The following MARCHF4 variants were observed in gnomAD, a reference collection of about 807,000 sequenced individuals.
MARCHF4 encodes membrane associated ring-CH-type finger 4, also known as E3 ubiquitin-protein ligase MARCHF4.
A neutral mutation model predicts 43.9 loss-of-function variants in MARCHF4; 14 were observed. The observed-to-expected ratio is 0.32, with a 90% CI of 0.21 to 0.50. MARCHF4 has a LOEUF of 0.50. MARCHF4 is among the 20% of genes least tolerant of loss of function. MARCHF4 has a pLI of 0.98. For synonymous variants in MARCHF4, 226 were observed against 213.3 expected, an observed-to-expected ratio of 1.06 and a Z score of -0.52; for missense variants, 468 against 536.7, an observed-to-expected ratio of 0.87 and a Z score of 1.27.
intron 1 of MARCHF4, among the ~76,000 whole-genome samples, chr2:216,336,363 C>G (rs998707418): frequency 2.6e-5 from 4 of 152,136 alleles, no homozygotes; most frequent in Non-Finnish European, 5.9e-5. Flanking sequence ...ATCATTTCAA[C>G]AAACTGAGTA....
intron 1 of MARCHF4, among the ~76,000 whole-genome samples, chr2:216,300,623 G>T (rs1278276838): frequency 6.6e-6 from 1 of 151,996 alleles, no homozygotes; most frequent in African/African-American, 2.4e-5. Context: ...TGGGATTACA[G>T]GCATGAGCCA....
chr2:216,317,913 T>C (rs1338841883), intron 1 of MARCHF4, among the ~76,000 whole-genome samples: 1 of 152,244 alleles, frequency 6.6e-6, no homozygotes, highest in Non-Finnish European at 1.5e-5. Flanking sequence ...TCAGCCATTG[T>C]GCCAGCTGTC....
In MARCHF4 at chr2:216,339,053, G is replaced by A. The variant is rs550912400; in HGVS notation, c.516+30692C>T. ...TGTCCCAGGTTGGACAGAAAGGAGC[G>A]GGGAGATGGGAGAGATTCCTAAGAG... On this transcript the variant is annotated intron_variant, in intron 1 of 3. Coordinates refer to ENST00000273067, the MANE Select transcript of MARCHF4 (RefSeq NM_020814.3). 1.4e-4 allele frequency among the ~76,000 whole-genome samples: 21 copies of A among 152,266 alleles called. No individual in the cohort carries two copies. In the South Asian group the frequency reaches 2.3e-3, roughly 17 times the overall value.
chr2:216,324,850 C>A (rs947520420), intron 1 of MARCHF4, among the ~76,000 whole-genome samples: 1 of 139,072 alleles, frequency 7.2e-6, no homozygotes, highest in Non-Finnish European at 1.5e-5. Flanking sequence ...AAACCCACAG[C>A]CAATATCATA....
Position 216,259,154 on chromosome 2 carries a change from C to T in MARCHF4, c.*158G>A, listed in dbSNP as rs1253510949. On this transcript the variant is annotated 3_prime_UTR_variant, in exon 4 of 4. Transcript: ENST00000273067. ...ATTGGAAATAGCAGAACTGCTCCTG[C>T]ACCAGCCTCACTCCCGCTCTGACAC... 1.9e-6 allele frequency: 2 copies of T among 1,047,856 alleles called. No individual in the cohort carries two copies. Among genetic ancestry groups the T allele is most frequent in the African/African-American group, 1.6e-5 (1 of 63,446 alleles). The allele number at this position is 1,047,856 out of a possible 1,614,324, so 64.9% of individuals were successfully genotyped here.
chr2:216,263,493 AAGAGAGAG>A (rs150783185), intron 3 of MARCHF4, among the ~76,000 whole-genome samples: 10 of 58,986 alleles, frequency 1.7e-4, no homozygotes, highest in African/African-American at 3.9e-4. Flanking sequence ...AGGAGAGAGA[AAGAGAGAG>A]AGAGAGAGAG....
intron 1 of MARCHF4, among the ~76,000 whole-genome samples, chr2:216,301,917 A>T (rs1320487332): frequency 6.6e-6 from 1 of 152,228 alleles, no homozygotes; most frequent in Non-Finnish European, 1.5e-5. Flanking sequence ...CTTAATAAAC[A>T]TGTCTTCGTG....
chr2:216,347,170 AT>A lies in MARCHF4; in HGVS notation c.516+22574del, dbSNP rs568123778. On this transcript the variant is annotated intron_variant, in intron 1 of 3. Transcript: ENST00000273067. ...CTTTGTGAATTACCCAGTCTCAGGT[AT>A]TTCTTGATAGCAGTGTAAGAATGGT... is the stretch of plus-strand genomic sequence containing the variant. Among the ~76,000 whole-genome samples the A allele has an allele frequency of 3.0e-3, 459 of 152,292 alleles. 2 individuals are homozygous for A. The highest frequency in any genetic ancestry group is 8.9e-3 in the African/African-American group (368 of 41,566).
In MARCHF4 at chr2:216,318,340, G is replaced by A. The variant is rs975084652; in HGVS notation, c.517-34611C>T. On this transcript the variant is annotated intron_variant, in intron 1 of 3. Coordinates refer to ENST00000273067, the MANE Select transcript of MARCHF4 (RefSeq NM_020814.3). ...AGGCCAGCCAACTGCTGTAGGGGAC[G>A]GGGATGTAGCAGTGAACAAATCAAA... Among the ~76,000 whole-genome samples, 18 of 152,350 alleles carry A rather than the reference G, an allele frequency of 1.2e-4. No individual in the cohort carries two copies. The South Asian group carries it at 1.9e-3, about 16-fold the overall frequency.
intron 1 of MARCHF4, among the ~76,000 whole-genome samples, chr2:216,340,053 G>T (rs544492509): frequency 6.6e-6 from 1 of 151,856 alleles, no homozygotes; most frequent in Non-Finnish European, 1.5e-5. Context: ...GCCGTTATCC[G>T]CCTCTCCCTT....
chr2:216,362,698 A>G (rs1692603815), intron 1 of MARCHF4, among the ~76,000 whole-genome samples: 1 of 152,146 alleles, frequency 6.6e-6, no homozygotes, highest in South Asian at 2.1e-4. Flanking sequence ...TTTCCCTGAC[A>G]ATTTGCATCT....
At chr2:216,293,368 G>T (rs1459508460) in intron 1 of MARCHF4, among the ~76,000 whole-genome samples, 1 of 152,098 alleles carries the variant, frequency 6.6e-6, no homozygotes, top group Non-Finnish European at 1.5e-5. Flanking sequence ...ATTAAAAAAA[G>T]AAAGAACTCT....
At chr2:216,264,892 G>A (rs1690820466) in intron 3 of MARCHF4, among the ~76,000 whole-genome samples, 1 of 152,140 alleles carries the variant, frequency 6.6e-6, no homozygotes, top group East Asian at 1.9e-4. Context: ...TGCTTGTTTG[G>A]GAAAAGAGGG....
chr2:216,350,110 A>G (rs1364778701), intron 1 of MARCHF4, among the ~76,000 whole-genome samples: 1 of 151,652 alleles, frequency 6.6e-6, no homozygotes, highest in Non-Finnish European at 1.5e-5. Context: ...CAACACAACC[A>G]TGCTATGCCA....
chr2:216,321,210 C>CCATT (rs1250431495), intron 1 of MARCHF4, among the ~76,000 whole-genome samples: 2 of 152,076 alleles, frequency 1.3e-5, no homozygotes, highest in Non-Finnish European at 2.9e-5. Flanking sequence ...TACCTCCCAT[C>CCATT]CATTCATTCA....
intron 1 of MARCHF4, among the ~76,000 whole-genome samples, chr2:216,359,040 G>A (rs1692540243): frequency 6.6e-6 from 1 of 152,212 alleles, no homozygotes; most frequent in Non-Finnish European, 1.5e-5. Flanking sequence ...GGTTGTATTA[G>A]TCAGGGAAAT....
intron 3 of MARCHF4, among the ~76,000 whole-genome samples, chr2:216,276,226 C>T (rs1011617430): frequency 4.6e-5 from 7 of 152,338 alleles, no homozygotes; most frequent in African/African-American, 1.2e-4. Flanking sequence ...CCACTGTTTC[C>T]CCCTTCCATG....
At chr2:216,294,534 A>C (rs2105946419) in intron 1 of MARCHF4, among the ~76,000 whole-genome samples, 1 of 152,350 alleles carries the variant, frequency 6.6e-6, no homozygotes, top group South Asian at 2.1e-4. Flanking sequence ...ATCTTTCCTA[A>C]GAATCAATTC....
chr2:216,314,525 G>A (rs1465314089), intron 1 of MARCHF4, among the ~76,000 whole-genome samples: 1 of 152,140 alleles, frequency 6.6e-6, no homozygotes, highest in African/African-American at 2.4e-5. Flanking sequence ...TTTTCACCAT[G>A]TTAGCCAGGC....
Sources: allele counts gnomAD v4.1 joint callset (sites outside exome capture counted in the v4.1 genomes callset), GRCh38; gene constraint gnomAD v4.1.1; transcripts MANE v1.5; gene names NCBI Gene and HGNC (gene_info 2026-07-23, HGNC 2026-07-21).